ANKRA2: variants seen among roughly 807,000 people sequenced by gnomAD.
The protein encoded by ANKRA2 is ankyrin repeat family A member 2.
In ANKRA2, 33 loss-of-function variants were observed where a neutral mutation model predicts 37.8. The ratio of observed to expected loss-of-function variants is 0.87; its 90% CI spans 0.66 to 1.17. ANKRA2 has a LOEUF of 1.17. ANKRA2 is among the 50% of genes most tolerant of loss of function. ANKRA2 has a pLI of 0.00. For synonymous variants in ANKRA2, 126 were observed against 132.3 expected (o/e 0.95, Z 0.33); for missense variants, 326 against 373.7 (o/e 0.87, Z 1.05).
Position 73,565,276 on chromosome 5 carries a change from G to A in ANKRA2, c.-249C>T, listed in dbSNP as rs2112030732. On this transcript the variant is annotated 5_prime_UTR_variant, in exon 1 of 9. Transcript: ENST00000296785. Reference sequence around the variant, plus strand: ...AGGAAGAAACTCTCGCTCATCCGCGGCGAGCGGATCCCGGGCACAGGGGCT... The same window carrying A: ...AGGAAGAAACTCTCGCTCATCCGCGACGAGCGGATCCCGGGCACAGGGGCT... The A allele has an allele frequency of 6.5e-6, 1 of 152,828 alleles. No individual in the cohort carries two copies. 9.5% of individuals were successfully genotyped at this position (152,828 alleles called of 1,614,324 possible).
chr5:73,563,121 A>C (rs987424751), intron 1 of ANKRA2, 136 bp from the exon 2 acceptor site: 1 of 329,160 alleles, frequency 3.0e-6, no homozygotes, highest in African/African-American at 2.1e-5. Context: ...TAATGTTCAG[A>C]GGTAGAGAAA....
intron 5 of ANKRA2, 161 bp from the exon 6 acceptor site, chr5:73,555,147 T>G: frequency 7.0e-7 from 1 of 1,426,850 alleles, no homozygotes. Flanking sequence ...TTATTGAGAT[T>G]GCCTGGATGC....
At chr5:73,561,399 T>A in intron 2 of ANKRA2, 111 bp from the exon 3 acceptor site, 1 of 1,020,278 alleles carries the variant, frequency 9.8e-7, no homozygotes, top group Non-Finnish European at 1.4e-6. Flanking sequence ...ATTAAACTAT[T>A]TATCAAGTGA....
At chr5:73,561,020 C>T in intron 3 of ANKRA2, 110 bp downstream of exon 3, 1 of 1,170,614 alleles carries the variant, frequency 8.5e-7, no homozygotes. Flanking sequence ...TGTAGTATAA[C>T]ACATTTTCTT....
chr5:73,555,107 A>C, intron 5 of ANKRA2, 121 bp from the exon 6 acceptor site: 1 of 1,463,502 alleles, frequency 6.8e-7, no homozygotes, highest in South Asian at 1.5e-5. Context: ...TTAATAAAGA[A>C]ATAATGGAAA....
At chr5:73,557,950 G>A (rs1428188711) in intron 3 of ANKRA2, among the ~76,000 whole-genome samples, 3 of 152,076 alleles carry the variant, frequency 2.0e-5, no homozygotes, top group South Asian at 2.1e-4. Flanking sequence ...GGTGGCATGT[G>A]CCTGTAATCC....
chr5:73,557,704 T>C, intron 3 of ANKRA2, 64 bp from the exon 4 acceptor site: 1 of 1,189,982 alleles, frequency 8.4e-7, no homozygotes, highest in Non-Finnish European at 1.2e-6. Flanking sequence ...CATCCCATGG[T>C]TCATGTTTGT....
chr5:73,555,255 C>A (rs967294255), intron 5 of ANKRA2: 1 of 1,226,718 alleles, frequency 8.2e-7, no homozygotes, highest in Non-Finnish European at 1.1e-6. Context: ...GCTGACAGTA[C>A]TTCTGTTCCC....
intron 3 of ANKRA2, among the ~76,000 whole-genome samples, 165 bp downstream of exon 3, chr5:73,560,965 G>C (rs1484074715): frequency 1.3e-5 from 2 of 152,206 alleles, no homozygotes; most frequent in Admixed American, 1.3e-4. Context: ...GTGTCACCAA[G>C]TGACAGAATT....
chr5:73,558,946 T>C (rs1002433354), intron 3 of ANKRA2, among the ~76,000 whole-genome samples: 15 of 152,226 alleles, frequency 9.9e-5, no homozygotes, highest in African/African-American at 3.6e-4. Context: ...ATCTTAGGTG[T>C]TTGTTTTTAG....
At chr5:73,559,519 C>A (rs1411203472) in intron 3 of ANKRA2, among the ~76,000 whole-genome samples, 1 of 152,046 alleles carries the variant, frequency 6.6e-6, no homozygotes, top group Non-Finnish European at 1.5e-5. Flanking sequence ...AATCACTCAG[C>A]TTTTACTACA....
Position 73,562,931 on chromosome 5 carries a change from T to C in ANKRA2, c.-50A>G, listed in dbSNP as rs746277983. On this transcript the variant is annotated 5_prime_UTR_variant, in exon 2 of 9. Transcript: ENST00000296785. Reference sequence around the variant, plus strand: ...TAAAACATTTCTTCATGATTTCCTCTTGGTTTTGTAAGAGCAGTATCCAGT... The same window carrying C: ...TAAAACATTTCTTCATGATTTCCTCCTGGTTTTGTAAGAGCAGTATCCAGT... 1.3e-6 allele frequency: 2 copies of C among 1,520,870 alleles called. No homozygotes were observed. The highest frequency in any genetic ancestry group is 1.8e-6 in the Non-Finnish European group (2 of 1,128,566). 94.2% of individuals were successfully genotyped at this position (1,520,870 alleles called of 1,614,324 possible).
chr5:73,563,913 G>C (rs1430474863), intron 1 of ANKRA2, among the ~76,000 whole-genome samples: 1 of 152,108 alleles, frequency 6.6e-6, no homozygotes, highest in Non-Finnish European at 1.5e-5. Context: ...TCAAAGATTA[G>C]TCTTTATAAC....
chr5:73,553,127 G>T (rs16870571), intron 8 of ANKRA2, among the ~76,000 whole-genome samples: 4,198 of 152,218 alleles, frequency 0.028, 192 homozygotes, highest in African/African-American at 0.095. Flanking sequence ...TCCTAAGGTT[G>T]CCCTATAAAT....
chr5:73,562,969 T>C lies in ANKRA2; in HGVS notation c.-88A>G, dbSNP rs749772444. 3 of 1,224,154 alleles carry C rather than the reference T, an allele frequency of 2.5e-6. No homozygotes were observed. The African/African-American group carries it at 4.6e-5, about 19-fold the overall frequency. 75.8% of individuals were successfully genotyped at this position (1,224,154 alleles called of 1,614,324 possible). ...AGCAGTATCCAGTGTGTTCTTGGAA[T>C]CTGGATATTTAAAAATCTGAAAGAA... On this transcript the variant is annotated 5_prime_UTR_variant, in exon 2 of 9. Transcript: ENST00000296785.
intron 5 of ANKRA2, 25 bp from the exon 6 acceptor site, chr5:73,555,011 G>T: frequency 6.3e-7 from 1 of 1,595,998 alleles, no homozygotes; most frequent in Non-Finnish European, 8.5e-7. Flanking sequence ...AGAGATAAAA[G>T]ACTTCTCAAT....
At position 73,552,257 on chromosome 5, in the gene ANKRA2, G is replaced by A. The variant is rs1450724970; in HGVS notation, c.*540C>T. ...TTGTTTGATCTAATGAAGTGTTACG[G>A]CAGGACAGAAGGGTGAAATTAAAAA... On this transcript the variant is annotated 3_prime_UTR_variant, in exon 9 of 9. Transcript: ENST00000296785. The A allele has an allele frequency of 6.6e-6, 1 of 152,478 alleles. No homozygotes were observed. The highest frequency in any genetic ancestry group is 1.5e-5 in the Non-Finnish European group (1 of 68,122). 9.4% of individuals were successfully genotyped at this position (152,478 alleles called of 1,614,324 possible). A position where few individuals can be genotyped will look rare whatever the true frequency, so the allele number is the denominator to read the frequency against.
intron 3 of ANKRA2, among the ~76,000 whole-genome samples, chr5:73,557,871 G>A (rs1747443985): frequency 6.6e-6 from 1 of 152,188 alleles, no homozygotes; most frequent in Admixed American, 6.5e-5. Context: ...GAGGTCAGGA[G>A]TTCGAGACCA....
chr5:73,552,895 A>C (rs1747291065), intron 8 of ANKRA2, 43 bp from the exon 9 acceptor site: 1 of 1,478,980 alleles, frequency 6.8e-7, no homozygotes, highest in East Asian at 2.3e-5. Context: ...AGTGACTATA[A>C]AATTTCTTTT....
Sources: allele counts gnomAD v4.1 joint callset (sites outside exome capture counted in the v4.1 genomes callset), GRCh38; gene constraint gnomAD v4.1.1; transcripts MANE v1.5; gene names NCBI Gene and HGNC (gene_info 2026-07-23, HGNC 2026-07-21).